DNAI4: variants seen among roughly 807,000 people sequenced by gnomAD.
DNAI4 encodes the protein WD repeat domain 78.
Under a neutral mutation model 105.8 loss-of-function variants are expected in DNAI4, and 85 were observed. That is an observed-to-expected ratio of 0.80 (90% CI 0.67 to 0.96). The LOEUF (loss-of-function observed/expected upper bound fraction) is 0.96. Ranked by LOEUF, DNAI4 falls within the 40% of genes least tolerant of loss-of-function variation. The pLI is 0.00. For synonymous variants in DNAI4, 352 were observed against 331.5 expected, an observed-to-expected ratio of 1.06 and a Z score of -0.67; for missense variants, 1,014 against 1,005.6, an observed-to-expected ratio of 1.01 and a Z score of -0.11.
chr1:66,907,040 T>A (rs41286726), intron 1 of DNAI4: 6 of 152,270 alleles, frequency 3.9e-5, no homozygotes, highest in Non-Finnish European at 7.4e-5. Context: ...TATGCCCCAA[T>A]CATCTCCTCA....
In DNAI4 at chr1:66,813,173, G is replaced by A. The variant is rs1645450004; in HGVS notation, c.*957C>T. ...TTAATATATACATATTTTTTTTCCAGAGAGTTTAGTGAATTTCATATGCCC... is the reference window on the plus strand; with the variant it reads ...TTAATATATACATATTTTTTTTCCAAAGAGTTTAGTGAATTTCATATGCCC... On this transcript the variant is annotated 3_prime_UTR_variant, in exon 17 of 17. Coordinates refer to ENST00000371026, the MANE Select transcript of DNAI4 (RefSeq NM_024763.5). 1 of 152,124 alleles carries A rather than the reference G, an allele frequency of 6.6e-6. No homozygotes were observed. Among genetic ancestry groups the A allele is most frequent in the Admixed American group, 6.6e-5 (1 of 15,264 alleles). The allele number at this position is 152,124 out of a possible 1,614,324, so 9.4% of individuals were successfully genotyped here.
At chr1:66,868,904 C>T (rs1189200655) in intron 6 of DNAI4, among the ~76,000 whole-genome samples, 4 of 151,690 alleles carry the variant, frequency 2.6e-5, no homozygotes, top group African/African-American at 7.3e-5. Flanking sequence ...AGTAAAATCC[C>T]GTCTCTACTA....
intron 6 of DNAI4, among the ~76,000 whole-genome samples, chr1:66,868,844 G>A (rs1323749481): frequency 2.6e-5 from 4 of 151,712 alleles, no homozygotes; most frequent in South Asian, 2.1e-4. Context: ...TTGGGAGGCC[G>A]AGGTGGGCAG....
At position 66,836,312 on chromosome 1, in the gene DNAI4, GA is replaced by G. The variant is rs1440506137; in HGVS notation, c.1582-536del. On this transcript the variant is annotated intron_variant, in intron 10 of 16. Coordinates refer to ENST00000371026, the MANE Select transcript of DNAI4 (RefSeq NM_024763.5). Reference sequence around the variant, plus strand: ...AGAAAGAAAGAAAGAAAGAAAGAAAGAAAGAAAGAAAGAAGGAAAGAGGGAA... The same window carrying G: ...AGAAAGAAAGAAAGAAAGAAAGAAAGAAGAAAGAAAGAAGGAAAGAGGGAA... Among the ~76,000 whole-genome samples, 932 of 147,062 alleles carry G rather than the reference GA, an allele frequency of 6.3e-3. 9 individuals are homozygous for G. The highest frequency in any genetic ancestry group is 0.027 in the Middle Eastern group (8 of 292).
At chr1:66,864,659 G>A (rs370348441) in intron 6 of DNAI4, among the ~76,000 whole-genome samples, 2 of 152,150 alleles carry the variant, frequency 1.3e-5, no homozygotes, top group African/African-American at 4.8e-5. Flanking sequence ...AGACCATCCT[G>A]GCCAACATGG....
intron 7 of DNAI4, 92 bp from the exon 8 acceptor site, chr1:66,847,770 A>T: frequency 9.2e-7 from 1 of 1,081,522 alleles, no homozygotes; most frequent in Non-Finnish European, 1.3e-6. Context: ...CATCATTTGT[A>T]TTTATTTTCC....
intron 13 of DNAI4, among the ~76,000 whole-genome samples, chr1:66,829,165 C>A (rs1645816108): frequency 1.3e-5 from 2 of 152,056 alleles, no homozygotes; most frequent in South Asian, 4.1e-4. Flanking sequence ...ATAAGGAGGC[C>A]AGATATTTTA....
At chr1:66,860,597 G>A (rs1400990036) in intron 7 of DNAI4, 1 of 151,972 alleles carries the variant, frequency 6.6e-6, no homozygotes, top group Non-Finnish European at 1.5e-5. Flanking sequence ...TTCTATTGCA[G>A]TTATTGAATA....
chr1:66,895,905 GATGT>G lies in DNAI4; in HGVS notation c.346-2496_346-2493del, dbSNP rs559243650. Among the ~76,000 whole-genome samples the G allele has an allele frequency of 1.8e-3, 270 of 152,182 alleles. 1 individual carries two copies. Among genetic ancestry groups the G allele is most frequent in the African/African-American group, 6.3e-3 (262 of 41,540 alleles). On this transcript the variant is annotated intron_variant, in intron 2 of 16. Coordinates refer to ENST00000371026, the MANE Select transcript of DNAI4 (RefSeq NM_024763.5). The stretch of plus-strand genomic sequence containing the variant: ...CTTGGCACAGACCAAGCTTCCTTAT[GATGT>G]ATGTATTAAGCATTTGTTGTTGTTG...
intron 4 of DNAI4, among the ~76,000 whole-genome samples, chr1:66,879,980 G>A (rs1011293551): frequency 6.7e-6 from 1 of 149,840 alleles, no homozygotes; most frequent in Non-Finnish European, 1.5e-5. Context: ...GAATTAAGGG[G>A]GTGGGTCTTT....
chr1:66,839,110 TC>T (rs913515800), intron 9 of DNAI4, among the ~76,000 whole-genome samples: 3 of 152,206 alleles, frequency 2.0e-5, no homozygotes, highest in African/African-American at 7.2e-5. Flanking sequence ...TAAAAATGTT[TC>T]ATATATCTTT....
chr1:66,875,046 A>C, intron 4 of DNAI4, 109 bp from the exon 5 acceptor site: 1 of 1,098,028 alleles, frequency 9.1e-7, no homozygotes, highest in Non-Finnish European at 1.3e-6. Context: ...CAGGTGGTTT[A>C]TATAGTCAAG....
At chr1:66,865,774 T>A (rs1569644623) in intron 6 of DNAI4, among the ~76,000 whole-genome samples, 1 of 152,226 alleles carries the variant, frequency 6.6e-6, no homozygotes. Context: ...GCTTCATTCC[T>A]TCTCCTAAAT....
Position 66,893,259 on chromosome 1 carries a change from A to G in DNAI4, c.500T>C (p.Ile167Thr). Residue 167 changes from isoleucine (I) to threonine (T), a missense_variant, in exon 3 of 17, where the codon ATA (isoleucine) becomes ACA (threonine). Physicochemically the swap from Ile to Thr is moderately conservative, Grantham distance 89. Transcript: ENST00000371026. ...AAACTGCCCTAACGTACTAGGATTT[A>G]TTGTATTCTGATAAAGGCTATAGGA... ...ISSYSLYQNT[I>T]NPSTLGQFTR... The G allele has an allele frequency of 1.9e-6, 3 of 1,602,016 alleles. No homozygotes were observed.
intron 13 of DNAI4, among the ~76,000 whole-genome samples, chr1:66,829,620 G>T (rs1645826695): frequency 6.6e-6 from 1 of 152,168 alleles, no homozygotes; most frequent in Non-Finnish European, 1.5e-5. Context: ...TACAATTATG[G>T]TTGGAGACTT....
chr1:66,911,287 C>A (rs1649640582), intron 1 of DNAI4, among the ~76,000 whole-genome samples: 1 of 152,208 alleles, frequency 6.6e-6, no homozygotes, highest in Non-Finnish European at 1.5e-5. Context: ...GAGCCAGTAG[C>A]TTACATGCTC....
chr1:66,825,266 G>A (rs146137780), intron 15 of DNAI4, among the ~76,000 whole-genome samples: 16,092 of 139,804 alleles, frequency 0.12, 1,099 homozygotes, highest in East Asian at 0.19. Flanking sequence ...TGCAAGCTCC[G>A]CTTCCCGGGT....
intron 4 of DNAI4, among the ~76,000 whole-genome samples, chr1:66,881,007 G>A (rs1317850886): frequency 6.6e-6 from 1 of 152,212 alleles, no homozygotes; most frequent in Non-Finnish European, 1.5e-5. Flanking sequence ...TGGCTTCAGA[G>A]GGTGGAAGCC....
At chr1:66,864,190 C>A (rs964936960) in intron 6 of DNAI4, among the ~76,000 whole-genome samples, 1 of 152,096 alleles carries the variant, frequency 6.6e-6, no homozygotes, top group Admixed American at 6.5e-5. Flanking sequence ...AACTTTCAAA[C>A]CTGTCAAATT....
Sources: allele counts gnomAD v4.1 joint callset (sites outside exome capture counted in the v4.1 genomes callset), GRCh38; gene constraint gnomAD v4.1.1; transcripts MANE v1.5; gene names NCBI Gene and HGNC (gene_info 2026-07-23, HGNC 2026-07-21).